The following LRRC4C variants were observed in gnomAD, a reference collection of about 807,000 sequenced individuals.
LRRC4C encodes the protein leucine-rich repeat-containing protein 4C.
A neutral mutation model predicts 33.6 loss-of-function variants in LRRC4C; 5 were observed. The ratio of observed to expected loss-of-function variants is 0.15; its 90% CI spans 0.08 to 0.31. LRRC4C has a LOEUF of 0.31. LRRC4C is among the 10% of genes least tolerant of loss of function. The pLI, the probability that LRRC4C is intolerant of heterozygous loss-of-function variation, is 1.00. For missense variants in LRRC4C, 560 were observed against 796.7 expected, an observed-to-expected ratio of 0.70 and a Z score of 3.58; for synonymous variants, 329 against 302.0, an observed-to-expected ratio of 1.09 and a Z score of -0.93.
At chr11:40,668,993 G>T (rs1049696678) in intron 2 of LRRC4C, among the ~76,000 whole-genome samples, 7 of 152,132 alleles carry the variant, frequency 4.6e-5, no homozygotes, top group Non-Finnish European at 8.8e-5. Context: ...TATAGCCCAG[G>T]TTCAAATCTC....
intron 2 of LRRC4C, among the ~76,000 whole-genome samples, chr11:40,689,157 A>G (rs925268464): frequency 5.3e-5 from 8 of 152,100 alleles, no homozygotes; most frequent in African/African-American, 1.7e-4. Context: ...AAAAGGAACA[A>G]AGAACAATGG....
chr11:40,964,020 G>A (rs1488413691), intron 1 of LRRC4C, among the ~76,000 whole-genome samples: 1 of 151,230 alleles, frequency 6.6e-6, no homozygotes, highest in East Asian at 1.9e-4. Flanking sequence ...ACCTCTCTAT[G>A]CCTTGTTTTT....
chr11:41,048,016 C>T (rs1471439030), intron 1 of LRRC4C, among the ~76,000 whole-genome samples: 1 of 152,134 alleles, frequency 6.6e-6, no homozygotes, highest in East Asian at 1.9e-4. Context: ...TTGCTCTGAA[C>T]TTTATACTTG....
intron 2 of LRRC4C, among the ~76,000 whole-genome samples, chr11:40,751,393 T>C (rs1394410922): frequency 6.6e-6 from 1 of 152,130 alleles, no homozygotes; most frequent in Non-Finnish European, 1.5e-5. Flanking sequence ...AAAACTCTTA[T>C]AGCTGATAAG....
chr11:40,444,532 T>C (rs559869710), intron 3 of LRRC4C, among the ~76,000 whole-genome samples: 11 of 152,084 alleles, frequency 7.2e-5, no homozygotes, highest in Admixed American at 6.5e-4. Flanking sequence ...TTATATTTAT[T>C]ATATAGATAA....
At chr11:40,698,677 C>T (rs1259425852) in intron 2 of LRRC4C, among the ~76,000 whole-genome samples, 1 of 152,252 alleles carries the variant, frequency 6.6e-6, no homozygotes, top group East Asian at 1.9e-4. Context: ...CTGATAAAGA[C>T]ATACCCAAGA....
At chr11:40,639,821 G>A (rs1234080447) in intron 3 of LRRC4C, among the ~76,000 whole-genome samples, 2 of 152,166 alleles carry the variant, frequency 1.3e-5, no homozygotes, top group East Asian at 3.8e-4. Context: ...TGATTTTTCA[G>A]CATATTTGTC....
chr11:41,220,766 T>G (rs1947272397), intron 1 of LRRC4C, among the ~76,000 whole-genome samples: 1 of 152,150 alleles, frequency 6.6e-6, no homozygotes, highest in Non-Finnish European at 1.5e-5. Context: ...GATGATTTAA[T>G]GGGTAATTTT....
intron 3 of LRRC4C, among the ~76,000 whole-genome samples, chr11:40,454,144 A>G (rs564755874): frequency 1.3e-5 from 2 of 151,282 alleles, no homozygotes; most frequent in Admixed American, 6.6e-5. Context: ...TTTCCCCAAT[A>G]TAATTATAAA....
intron 3 of LRRC4C, among the ~76,000 whole-genome samples, chr11:40,609,765 A>G (rs559571911): frequency 4.3e-4 from 65 of 152,030 alleles, no homozygotes; most frequent in Non-Finnish European, 8.0e-4. Flanking sequence ...TACTATGAAT[A>G]ATTATATGCC....
intron 3 of LRRC4C, among the ~76,000 whole-genome samples, chr11:40,474,829 A>G (rs1371770514): frequency 2.0e-5 from 3 of 152,232 alleles, no homozygotes; most frequent in Non-Finnish European, 4.4e-5. Flanking sequence ...AAACATATGA[A>G]AAAAAGCTCA....
intron 2 of LRRC4C, among the ~76,000 whole-genome samples, chr11:40,927,548 G>C (rs1161751325): frequency 2.6e-5 from 4 of 152,048 alleles, no homozygotes; most frequent in African/African-American, 9.7e-5. Flanking sequence ...GAATAGCTAT[G>C]TGTTTCTAGG....
intron 6 of LRRC4C, among the ~76,000 whole-genome samples, chr11:40,127,187 A>G (rs921104082): frequency 2.0e-5 from 3 of 152,060 alleles, no homozygotes; most frequent in East Asian, 1.9e-4. Flanking sequence ...TGAGGCAGGA[A>G]AATCGCTTGA....
At chr11:40,369,205 T>C (rs899553608) in intron 3 of LRRC4C, among the ~76,000 whole-genome samples, 2 of 152,202 alleles carry the variant, frequency 1.3e-5, no homozygotes, top group Middle Eastern at 3.2e-3. Flanking sequence ...ATGAGAATTA[T>C]ATGAGATAGG....
At chr11:41,215,517 C>T (rs1479853833) in intron 1 of LRRC4C, among the ~76,000 whole-genome samples, 1 of 151,180 alleles carries the variant, frequency 6.6e-6, no homozygotes, top group Non-Finnish European at 1.5e-5. Flanking sequence ...AAAATTCCAT[C>T]CACATTGACG....
intron 1 of LRRC4C, among the ~76,000 whole-genome samples, chr11:40,965,213 G>T (rs993404328): frequency 9.9e-5 from 15 of 151,990 alleles, no homozygotes; most frequent in Non-Finnish European, 2.1e-4. Flanking sequence ...TTTTTGATGG[G>T]TTTTTTGTTT....
At chr11:40,377,990 T>C (rs559443547) in intron 3 of LRRC4C, among the ~76,000 whole-genome samples, 2 of 152,100 alleles carry the variant, frequency 1.3e-5, no homozygotes, top group Non-Finnish European at 2.9e-5. Context: ...TCTGCTGTAA[T>C]GCAAATTTAT....
intron 2 of LRRC4C, among the ~76,000 whole-genome samples, chr11:40,714,895 C>T (rs1946634455): frequency 6.6e-6 from 1 of 152,044 alleles, no homozygotes; most frequent in Admixed American, 6.6e-5. Context: ...TGATATGCTG[C>T]CACTACCTTC....
At chr11:40,145,712 C>T (rs1351253048) in intron 5 of LRRC4C, among the ~76,000 whole-genome samples, 4 of 152,156 alleles carry the variant, frequency 2.6e-5, no homozygotes, top group African/African-American at 9.7e-5. Context: ...TTAAATATTA[C>T]CACTTCTCAA....
Sources: gnomAD v4.1 joint callset for allele counts (sites outside exome capture counted in the v4.1 genomes callset) on GRCh38, gnomAD v4.1.1 for gene constraint, MANE v1.5 for transcripts, NCBI Gene and HGNC (gene_info 2026-07-23, HGNC 2026-07-21) for gene names.